Variants in MED12 observed in about 807,000 individuals in gnomAD.
MED12 encodes the protein mediator complex subunit 12.
A neutral mutation model predicts 177.7 loss-of-function variants in MED12; 10 were observed. The ratio of observed to expected loss-of-function variants is 0.06; its 90% CI spans 0.03 to 0.10. MED12 has a LOEUF of 0.10. Among genes scored for constraint, MED12 ranks in the 10% least tolerant of loss-of-function variants. The pLI is 1.00. For synonymous variants in MED12, 641 were observed against 678.4 expected, an observed-to-expected ratio of 0.94 and a Z score of 0.86; for missense variants, 867 against 1,780.8, an observed-to-expected ratio of 0.49 and a Z score of 9.23.
intron 36 of MED12, 29 bp downstream of exon 36, chrX:71,135,282 T>C: frequency 8.3e-7 from 1 of 1,211,169 alleles, no homozygotes; most frequent in Non-Finnish European, 1.1e-6. Flanking sequence ...CCGTGTCCCT[T>C]GCCTTTTTTC....
chrX:71,121,176 G>A, intron 5 of MED12, 24 bp downstream of exon 5: 1 of 1,209,621 alleles, frequency 8.3e-7, no homozygotes, highest in Non-Finnish European at 1.1e-6. Flanking sequence ...CATGCTGTGT[G>A]GGGCATTGGG....
intron 4 of MED12, 31 bp downstream of exon 4, chrX:71,120,201 T>C (rs748912133): frequency 5.6e-5 from 67 of 1,191,413 alleles, no homozygotes; most frequent in Admixed American, 8.8e-5. Flanking sequence ...GGTGTACTGC[T>C]GATGGCTTCA....
chrX:71,136,458 C>T lies in MED12; in HGVS notation c.5203C>T (p.Arg1735Cys), dbSNP rs778386823. The T allele has an allele frequency of 8.3e-7, 1 of 1,209,700 alleles. No individual in the cohort carries two copies. The highest frequency in any genetic ancestry group is 2.2e-5 in the Admixed American group (1 of 45,890). The change falls in exon 37 of 45, where the codon CGC becomes TGC. Residue 1735 changes from arginine (R) to cysteine (C), a missense_variant. By Grantham distance (180) the Arg-to-Cys change is radical (BLOSUM62 -3). Transcript: ENST00000374080. ...CCACACACACCTGAGGCCCCGGCCC[C>T]GCGCCTATTACCTGGAGCCACTGCC... ...LYHTHLRPRPRAYYLEPLPLP... is the reference protein window; with the variant it reads ...LYHTHLRPRPCAYYLEPLPLP...
Position 71,129,769 on chromosome X carries a change from C to T in MED12, c.3781C>T (p.Arg1261Trp), listed in dbSNP as rs2092312257. ...GGAGGGAGGAGGTGGCAGTGGTGGTCGGAGGCAGGGTGGCCGCAACATCTC... is the reference window on the plus strand; with the variant it reads ...GGAGGGAGGAGGTGGCAGTGGTGGTTGGAGGCAGGGTGGCCGCAACATCTC... Reference protein sequence around the residue: ...EEEGGGGSGGRRQGGRNISVE... With the variant: ...EEEGGGGSGGWRQGGRNISVE... The change falls in exon 27 of 45, where the codon CGG (arginine) becomes TGG (tryptophan). Residue 1261 changes from arginine to tryptophan, a missense_variant. Around this residue, in one of 14 missense-constraint regions of MED12, gnomAD observed 29 missense variants for 31.3 expected, o/e 0.93. Transcript: ENST00000374080. 1 of 1,208,860 alleles carries T rather than the reference C, an allele frequency of 8.3e-7. No homozygotes were observed. The highest frequency in any genetic ancestry group is 3.0e-5 in the East Asian group (1 of 33,731).
chrX:71,123,271 A>T (rs776282076), intron 11 of MED12, 45 bp downstream of exon 11: 59 of 1,197,954 alleles, frequency 4.9e-5, no homozygotes, highest in Non-Finnish European at 6.4e-5. Flanking sequence ...AATGGGAAGG[A>T]ATTTACTGCG....
intron 18 of MED12, 29 bp downstream of exon 18, chrX:71,126,183 A>G: frequency 8.5e-7 from 1 of 1,172,172 alleles, no homozygotes; most frequent in Non-Finnish European, 1.2e-6. Context: ...CCCCTTTCCC[A>G]CATTCTGGCC....
chrX:71,120,637 GC>G (rs1165852969), intron 4 of MED12, among the ~76,000 whole-genome samples: 1 of 108,416 alleles, frequency 9.2e-6, no homozygotes, highest in Non-Finnish European at 1.9e-5. Context: ...TTGAGACAGA[GC>G]AAGACTCTGT....
chrX:71,125,800 G>T (rs2092301658), intron 17 of MED12, 87 bp downstream of exon 17: 1 of 860,742 alleles, frequency 1.2e-6, no homozygotes. Context: ...TTCCTTTAAG[G>T]TCCACATAGT....
At chrX:71,135,955 T>G (rs2092331177) in intron 36 of MED12, among the ~76,000 whole-genome samples, 1 of 108,459 alleles carries the variant, frequency 9.2e-6, no homozygotes, top group Non-Finnish European at 1.9e-5. Context: ...TCCCTCTCCC[T>G]CCCCGCTCCC....
intron 33 of MED12, among the ~76,000 whole-genome samples, chrX:71,133,899 C>T (rs911479639): frequency 1.4e-4 from 15 of 110,854 alleles, no homozygotes; most frequent in African/African-American, 3.9e-4. Context: ...TCAAGAATTC[C>T]GTCATTGTCT....
chrX:71,125,280 G>C, intron 15 of MED12, 71 bp from the exon 16 acceptor site: 1 of 1,201,028 alleles, frequency 8.3e-7, no homozygotes, highest in Non-Finnish European at 1.1e-6. Context: ...GATGCTGAGG[G>C]GTGTGGAGCA....
intron 39 of MED12, 23 bp downstream of exon 39, chrX:71,137,406 T>C (rs1321687807): frequency 8.3e-7 from 1 of 1,202,781 alleles, no homozygotes; most frequent in African/African-American, 1.8e-5. Flanking sequence ...AGAGGGGCAG[T>C]AGGGAGGGCT....
chrX:71,131,807 C>G (rs747781656), intron 29 of MED12, among the ~76,000 whole-genome samples, 186 bp downstream of exon 29: 1 of 111,132 alleles, frequency 9.0e-6, no homozygotes, highest in East Asian at 2.8e-4. Context: ...TGTTGGAGCT[C>G]TGAGCTGTGG....
In MED12 at chrX:71,121,659, A is replaced by T. The variant is rs759516228; in HGVS notation, c.944A>T (p.His315Leu). ...CTGCAGCTGGATGGTGTGAGCAGTC[A>T]CTCATCTCATGTTATATCTGCTCAG... ...LALQLDGVSS[H>L]SSHVISAQST... The change falls in exon 7 of 45, where the codon CAC becomes CTC. Residue 315 changes from histidine to leucine, a missense_variant. Physicochemically the swap from His to Leu is moderately conservative, Grantham distance 99. This residue lies in a region of MED12 where 309 missense variants were observed against 556.3 expected (regional missense o/e 0.56). Transcript: ENST00000374080. The T allele has an allele frequency of 1.2e-5, 14 of 1,208,621 alleles. No individual in the cohort carries two copies. The South Asian group carries it at 2.5e-4, about 21-fold the overall frequency.
intron 30 of MED12, 50 bp downstream of exon 30, chrX:71,132,256 G>T (rs1362973356): frequency 8.5e-7 from 1 of 1,179,685 alleles, no homozygotes; most frequent in Non-Finnish European, 1.2e-6. Context: ...TTATCTGCTG[G>T]TAGCGTGAGT....
At position 71,124,963 on chromosome X, in the gene MED12, AC is replaced by A. The variant is rs1397905672; in HGVS notation, c.2056-11del. On this transcript the variant is annotated splice_polypyrimidine_tract_variant and intron_variant, in intron 14 of 44. Coordinates refer to ENST00000374080, the MANE Select transcript of MED12 (RefSeq NM_005120.3). ...CCTTCTTCTCATGTTCTGCTTTCTC[AC>A]CTTTCTCTCAGTTGTTCTCCCCTAC... 8.3e-7 allele frequency: 1 copy of A among 1,208,693 alleles called. No individual in the cohort carries two copies. Among genetic ancestry groups the A allele is most frequent in the Non-Finnish European group, 1.1e-6 (1 of 894,192 alleles).
At chrX:71,120,607 G>A (rs1320527120) in intron 4 of MED12, among the ~76,000 whole-genome samples, 2 of 100,031 alleles carry the variant, frequency 2.0e-5, no homozygotes, top group African/African-American at 3.4e-5. Flanking sequence ...GGTATTCTAA[G>A]TAGAAGGATT....
At chrX:71,125,596 G>C in intron 16 of MED12, 67 bp from the exon 17 acceptor site, 3 of 1,177,147 alleles carry the variant, frequency 2.5e-6, no homozygotes, top group South Asian at 1.8e-5. Context: ...CCAATGTCCT[G>C]TCTCTTGGAG....
At chrX:71,138,579 ATTTT>A (rs1192127888) in intron 41 of MED12, among the ~76,000 whole-genome samples, 1 of 108,719 alleles carries the variant, frequency 9.2e-6, no homozygotes, top group African/African-American at 3.3e-5. Context: ...CCAAAAAAAA[ATTTT>A]TTTTTAATTA....
Sources: gnomAD v4.1 joint callset for allele counts (sites outside exome capture counted in the v4.1 genomes callset) on GRCh38, gnomAD v4.1.1 for gene constraint, gnomAD v4.1.1 regional missense constraint, MANE v1.5 for transcripts, NCBI Gene and HGNC (gene_info 2026-07-23, HGNC 2026-07-21) for gene names.